Variants in CMIP observed in about 807,000 individuals in gnomAD.
The protein encoded by CMIP is c-Maf inducing protein, also known as C-Maf-inducing protein.
CMIP carries 13 observed loss-of-function variants against 97.3 expected under a neutral mutation model. The observed-to-expected ratio is 0.13, with a 90% CI of 0.09 to 0.21. The LOEUF (loss-of-function observed/expected upper bound fraction) is 0.21, where lower values mean the gene tolerates loss of function less well. Among genes scored for constraint, CMIP ranks in the 10% least tolerant of loss-of-function variants. CMIP has a pLI of 1.00. For synonymous variants in CMIP, 538 were observed against 436.3 expected (o/e 1.23, Z -2.91); for missense variants, 847 against 1,024.9 (o/e 0.83, Z 2.37).
In CMIP at chr16:81,594,022, C is replaced by G. The variant is rs1311561463; in HGVS notation, c.301-13545C>G. Among the ~76,000 whole-genome samples, 3 of 93,708 alleles carry G rather than the reference C, an allele frequency of 3.2e-5. No individual in the cohort carries two copies. The East Asian group carries it at 1.3e-3, about 40-fold the overall frequency. The allele number at this position is 93,708 out of a possible 152,430, so 61.5% of individuals were successfully genotyped here. A position where few individuals can be genotyped will look rare whatever the true frequency, so the allele number is the denominator to read the frequency against. ...CCCTCTTTCCTCCTCTTCCTCCCCC[C>G]CTTCTCCTCCTCCTCCCCCTCCTTC... On this transcript the variant is annotated intron_variant, in intron 1 of 20. Transcript: ENST00000537098.
chr16:81,553,263 G>A (rs2090694816), intron 1 of CMIP, among the ~76,000 whole-genome samples: 1 of 152,178 alleles, frequency 6.6e-6, no homozygotes, highest in Admixed American at 6.5e-5. Flanking sequence ...CTGGCTTCCT[G>A]CGTCCTGGCC....
chr16:81,687,268 C>A (rs1231805237), intron 10 of CMIP, among the ~76,000 whole-genome samples: 1 of 152,190 alleles, frequency 6.6e-6, no homozygotes, highest in Non-Finnish European at 1.5e-5. Flanking sequence ...GAGACCTGGG[C>A]CCCTCCTGGG....
In CMIP at chr16:81,517,954, C is replaced by T. The variant is rs896764244; in HGVS notation, c.300+72413C>T. The T allele has an allele frequency of 9.2e-6, 9 of 977,210 alleles. No homozygotes were observed. In the South Asian group the frequency reaches 1.9e-4, roughly 21 times the overall value. 60.5% of individuals were successfully genotyped at this position (977,210 alleles called of 1,614,324 possible). ...TTCAAGGATTTTCTAGGAAAATGAA[C>T]GCCAGTGGATGTGTGGAATTTTTTC... is the stretch of plus-strand genomic sequence containing the variant. On this transcript the variant is annotated intron_variant, in intron 1 of 20. Coordinates refer to ENST00000537098, the MANE Select transcript of CMIP (RefSeq NM_198390.3).
At chr16:81,657,961 C>T (rs1220311716) in intron 5 of CMIP, 145 bp downstream of exon 5, 10 of 634,362 alleles carry the variant, frequency 1.6e-5, no homozygotes, top group East Asian at 2.9e-5. Context: ...GCAAGCCGGA[C>T]GCACCTCCCT....
intron 4 of CMIP, among the ~76,000 whole-genome samples, chr16:81,653,395 A>G (rs1474232061): frequency 6.6e-6 from 1 of 151,998 alleles, no homozygotes; most frequent in Admixed American, 6.6e-5. Flanking sequence ...AAGGTCCCTC[A>G]CTCCAGGAGG....
intron 9 of CMIP, among the ~76,000 whole-genome samples, chr16:81,673,583 C>T (rs2092702256): frequency 7.2e-5 from 11 of 152,206 alleles, no homozygotes; most frequent in Admixed American, 7.2e-4. Flanking sequence ...CTGGCATGCA[C>T]TCCCACTGTG....
At chr16:81,675,134 A>G (rs796629025) in intron 9 of CMIP, among the ~76,000 whole-genome samples, 109 of 152,274 alleles carry the variant, frequency 7.2e-4, no homozygotes, top group African/African-American at 2.5e-3. Flanking sequence ...AGGGTGACCC[A>G]GGGAGAGAAC....
chr16:81,453,351 C>T lies in CMIP; in HGVS notation c.300+7810C>T, dbSNP rs767390582. 1.3e-5 allele frequency among the ~76,000 whole-genome samples: 2 copies of T among 152,224 alleles called. No homozygotes were observed. The highest frequency in any genetic ancestry group is 2.9e-5 in the Non-Finnish European group (2 of 68,034). ...GATTTGAGTGTATGGAATCAAACAGCCATCTGGGTGCTTCCCTTGGGCTGG... is the reference window on the plus strand; with the variant it reads ...GATTTGAGTGTATGGAATCAAACAGTCATCTGGGTGCTTCCCTTGGGCTGG... On this transcript the variant is annotated intron_variant, in intron 1 of 20. Coordinates refer to ENST00000537098, the MANE Select transcript of CMIP (RefSeq NM_198390.3). This position sits in a 1 kb window ranked among gnomAD's most constrained non-coding sequence, Gnocchi z 4.0.
At chr16:81,687,459 G>C (rs141738622) in intron 10 of CMIP, among the ~76,000 whole-genome samples, 1 of 152,168 alleles carries the variant, frequency 6.6e-6, no homozygotes. Flanking sequence ...GTTTTTCCGC[G>C]GAGTCCCTAT....
At chr16:81,649,781 G>A (rs1489409799) in intron 3 of CMIP, among the ~76,000 whole-genome samples, 2 of 152,188 alleles carry the variant, frequency 1.3e-5, no homozygotes, top group Admixed American at 6.5e-5. Context: ...GATCGCTGTG[G>A]TTTGCTTTGG....
At chr16:81,645,615 G>A in intron 3 of CMIP, 1 of 1,535,778 alleles carries the variant, frequency 6.5e-7, no homozygotes, top group Non-Finnish European at 8.7e-7. Flanking sequence ...TCCCTTCCTT[G>A]ACAAGCAGAG....
chr16:81,504,641 C>CAAAAAAAAAAAAAAAAAAAAAAAA, intron 1 of CMIP, among the ~76,000 whole-genome samples: 1 of 71,986 alleles, frequency 1.4e-5, no homozygotes, highest in South Asian at 4.5e-4. Context: ...AGACTCGTCT[C>CAAAAAAAAAAAAAAAAAAAAAAAA]AAAAAAAAAA....
At chr16:81,517,875 G>A in intron 1 of CMIP, 13 of 944,970 alleles carry the variant, frequency 1.4e-5, no homozygotes, top group Non-Finnish European at 1.6e-5. Context: ...CGCAGAGTTG[G>A]CAGTGGCTGC....
chr16:81,478,201 C>T (rs2966079), intron 1 of CMIP, among the ~76,000 whole-genome samples: 92,465 of 152,048 alleles, frequency 0.61, 28,503 homozygotes, highest in East Asian at 0.78. Context: ...ATTGCGTGGG[C>T]ATTCCCTCAA....
intron 3 of CMIP, among the ~76,000 whole-genome samples, chr16:81,628,969 C>T (rs71400164): frequency 1.3e-5 from 2 of 151,648 alleles, no homozygotes; most frequent in African/African-American, 4.9e-5. Flanking sequence ...AACCCTGTCT[C>T]TACTAAAAAT....
intron 1 of CMIP, among the ~76,000 whole-genome samples, chr16:81,554,524 C>G (rs916655019): frequency 6.6e-6 from 1 of 152,206 alleles, no homozygotes; most frequent in African/African-American, 2.4e-5. Flanking sequence ...CAGGAGGCCA[C>G]TACCAGGTGC....
At chr16:81,625,871 C>T (rs750931416) in intron 3 of CMIP, among the ~76,000 whole-genome samples, 3 of 152,210 alleles carry the variant, frequency 2.0e-5, no homozygotes, top group Non-Finnish European at 4.4e-5. Context: ...ATGGTTTTTC[C>T]CCAGGGGAAG....
chr16:81,548,435 G>A (rs535849842), intron 1 of CMIP, among the ~76,000 whole-genome samples: 2 of 152,176 alleles, frequency 1.3e-5, no homozygotes, highest in East Asian at 3.9e-4. Context: ...CAGCCAGCTG[G>A]ATCAGTCTTT....
chr16:81,492,164 G>A (rs547372383), intron 1 of CMIP, among the ~76,000 whole-genome samples: 51 of 152,332 alleles, frequency 3.3e-4, no homozygotes, highest in African/African-American at 1.1e-3. Flanking sequence ...ACATTTTGAT[G>A]GCTTTGGATA....
Sources: gnomAD v4.1 joint callset for allele counts (sites outside exome capture counted in the v4.1 genomes callset) on GRCh38, gnomAD v4.1.1 for gene constraint, Gnocchi (gnomAD v3.1) non-coding constraint, MANE v1.5 for transcripts, NCBI Gene and HGNC (gene_info 2026-07-23, HGNC 2026-07-21) for gene names.